The following MTR variants were observed in gnomAD, a reference collection of about 807,000 sequenced individuals.
MTR encodes the protein 5-methyltetrahydrofolate-homocysteine methyltransferase.
In MTR, 84 loss-of-function variants were observed where a neutral mutation model predicts 154.8. The ratio of observed to expected loss-of-function variants is 0.54; its 90% CI spans 0.45 to 0.65. The LOEUF (loss-of-function observed/expected upper bound fraction) is 0.65. Among genes scored for constraint, MTR ranks in the 30% least tolerant of loss-of-function variants. The pLI is 0.00. For synonymous variants in MTR, 554 were observed against 553.9 expected (o/e 1.00, Z 0.00); for missense variants, 1,275 against 1,570.2 (o/e 0.81, Z 3.18).
chr1:236,827,148 G>T (rs992994721), intron 11 of MTR, among the ~76,000 whole-genome samples: 3 of 152,122 alleles, frequency 2.0e-5, no homozygotes, highest in Non-Finnish European at 4.4e-5. Context: ...ACACAAATGC[G>T]CACACAGAGG....
intron 24 of MTR, among the ~76,000 whole-genome samples, chr1:236,876,030 G>A (rs1572312744): frequency 6.6e-6 from 1 of 152,266 alleles, no homozygotes; most frequent in East Asian, 1.9e-4. Context: ...AAGGTCTTCA[G>A]CTGACTGGAT....
At chr1:236,830,017 T>C (rs189469981) in intron 12 of MTR, among the ~76,000 whole-genome samples, 2 of 152,330 alleles carry the variant, frequency 1.3e-5, no homozygotes, top group East Asian at 3.8e-4. Context: ...TCTCTCTGAA[T>C]TGAAATATTT....
intron 4 of MTR, among the ~76,000 whole-genome samples, chr1:236,809,425 C>A (rs1329877546): frequency 6.6e-6 from 1 of 152,152 alleles, no homozygotes. Flanking sequence ...ATATATGTAG[C>A]CCCTTAAGAC....
intron 6 of MTR, among the ~76,000 whole-genome samples, chr1:236,813,167 A>G (rs1013066473): frequency 6.6e-6 from 1 of 152,174 alleles, no homozygotes; most frequent in African/African-American, 2.4e-5. Context: ...GTGAAAAGTG[A>G]ATATCCTTTC....
chr1:236,850,659 A>G, intron 16 of MTR, 136 bp downstream of exon 16: 1 of 862,292 alleles, frequency 1.2e-6, no homozygotes. Flanking sequence ...TTTTTCTGAA[A>G]TGTAGGAGAC....
chr1:236,796,280 C>G (rs896505718), intron 1 of MTR, among the ~76,000 whole-genome samples: 2 of 152,200 alleles, frequency 1.3e-5, no homozygotes, highest in Non-Finnish European at 2.9e-5. Context: ...GACCCCACCT[C>G]CAGATACCGA....
intron 15 of MTR, among the ~76,000 whole-genome samples, chr1:236,842,422 T>C (rs1663307763): frequency 6.6e-6 from 1 of 152,158 alleles, no homozygotes; most frequent in Non-Finnish European, 1.5e-5. Context: ...ATTGAATGTT[T>C]TGGACAGGTT....
intron 26 of MTR, among the ~76,000 whole-genome samples, chr1:236,885,622 A>G (rs1665970366): frequency 6.6e-6 from 1 of 152,226 alleles, no homozygotes; most frequent in African/African-American, 2.4e-5. Flanking sequence ...CAGGACCAGT[A>G]TAAGCCTTTT....
chr1:236,832,593 C>A (rs963658583), intron 13 of MTR, among the ~76,000 whole-genome samples: 2 of 152,166 alleles, frequency 1.3e-5, no homozygotes, highest in Non-Finnish European at 2.9e-5. Context: ...AGCTCAGTCA[C>A]TCTGTGGATG....
rs141322689 is a variant in MTR at position 236,883,339 on chromosome 1, T to G, written c.2677-1782T>G. ...CTTGTTTCCGTCAAGTAAGTCAGAC[T>G]GGGCCAGAAGGGGCCTGCCACTGTG... On this transcript the variant is annotated intron_variant, in intron 25 of 32. Coordinates refer to ENST00000366577, the MANE Select transcript of MTR (RefSeq NM_000254.3). 3.6e-3 allele frequency among the ~76,000 whole-genome samples: 554 copies of G among 152,312 alleles called. 8 individuals carry two copies. In the East Asian group the frequency reaches 0.038, roughly 11 times the overall value.
At chr1:236,805,000 G>A (rs1660899191) in intron 2 of MTR, among the ~76,000 whole-genome samples, 1 of 152,030 alleles carries the variant, frequency 6.6e-6, no homozygotes, top group Admixed American at 6.6e-5. Flanking sequence ...CACATGGCAT[G>A]TAATAAAGTG....
intron 29 of MTR, among the ~76,000 whole-genome samples, chr1:236,892,390 G>T (rs1666378145): frequency 6.6e-6 from 1 of 152,102 alleles, no homozygotes; most frequent in South Asian, 2.1e-4. Context: ...GATGAGGCGG[G>T]AGGATCACTT....
At chr1:236,869,659 A>C (rs1244851208) in intron 22 of MTR, among the ~76,000 whole-genome samples, 1 of 152,204 alleles carries the variant, frequency 6.6e-6, no homozygotes, top group Non-Finnish European at 1.5e-5. Context: ...AAACTGAGGG[A>C]GAGTCAAGGA....
chr1:236,810,505 A>T lies in MTR; in HGVS notation c.412A>T (p.Ile138Phe). 1 of 1,613,368 alleles carries T rather than the reference A, an allele frequency of 6.2e-7. No individual in the cohort carries two copies. The highest frequency in any genetic ancestry group is 8.5e-7 in the Non-Finnish European group (1 of 1,179,394). Residue 138 changes from isoleucine (I) to phenylalanine (F), a missense_variant and splice_region_variant, in exon 5 of 33, where the codon ATT (isoleucine) becomes TTT (phenylalanine). Ile to Phe is a conservative substitution (Grantham distance 21). Coordinates refer to ENST00000366577, the MANE Select transcript of MTR (RefSeq NM_000254.3). ...CACTTGTTTTTCTTTTCCCAAAGGA[A>T]TTAAGAGGTTTGTGGCAGGGGCTCT... is the stretch of plus-strand genomic sequence containing the variant. The part of the protein sequence containing the change: ...AAEEVTLQTG[I>F]KRFVAGALGP...
Position 236,894,578 on chromosome 1 carries a change from C to T in MTR, c.3405+21C>T, listed in dbSNP as rs750486662. 1.6e-5 allele frequency: 26 copies of T among 1,612,704 alleles called. No homozygotes were observed. The Admixed American group carries it at 1.7e-4, about 10-fold the overall frequency. On this transcript the variant is annotated intron_variant, in intron 30 of 32. Transcript: ENST00000366577. Reference sequence around the variant, plus strand: ...CAGAGGTAAGGCAGAGGCATTGCGCCGAGGGGCTGAGGACAGAGGCCAGGC... The same window carrying T: ...CAGAGGTAAGGCAGAGGCATTGCGCTGAGGGGCTGAGGACAGAGGCCAGGC...
chr1:236,808,557 T>C, intron 3 of MTR, 147 bp from the exon 4 acceptor site: 1 of 821,904 alleles, frequency 1.2e-6, no homozygotes, highest in East Asian at 2.7e-5. Context: ...CTGATATGCC[T>C]GCTTGGCTAA....
intron 26 of MTR, among the ~76,000 whole-genome samples, chr1:236,885,881 C>T (rs1274795635): frequency 2.0e-5 from 3 of 152,134 alleles, no homozygotes; most frequent in Non-Finnish European, 2.9e-5. Context: ...GGCCAAGACG[C>T]AGTGGTTGGC....
intron 15 of MTR, among the ~76,000 whole-genome samples, chr1:236,842,081 C>T (rs1458796614): frequency 6.6e-6 from 1 of 152,026 alleles, no homozygotes; most frequent in Non-Finnish European, 1.5e-5. Flanking sequence ...TTAGTAGAGA[C>T]GGGGTTTCAC....
chr1:236,873,458 A>G (rs576365804), intron 22 of MTR, among the ~76,000 whole-genome samples: 6 of 152,330 alleles, frequency 3.9e-5, no homozygotes, highest in Non-Finnish European at 7.4e-5. Flanking sequence ...TATATTATGT[A>G]TATTTCACCA....
Sources: gnomAD v4.1 joint callset for allele counts (sites outside exome capture counted in the v4.1 genomes callset) on GRCh38, gnomAD v4.1.1 for gene constraint, MANE v1.5 for transcripts, NCBI Gene and HGNC (gene_info 2026-07-23, HGNC 2026-07-21) for gene names.